The following TSPEAR variants were observed in gnomAD, a reference collection of about 807,000 sequenced individuals.
TSPEAR encodes the protein thrombospondin type laminin G domain and EAR repeats.
Under a neutral mutation model 71.6 loss-of-function variants are expected in TSPEAR, and 69 were observed. That is an observed-to-expected ratio of 0.96 (90% CI 0.79 to 1.18). TSPEAR has a LOEUF of 1.18. TSPEAR is among the 50% of genes most tolerant of loss of function. TSPEAR has a pLI of 0.00. For synonymous variants in TSPEAR, 402 were observed against 387.2 expected, an observed-to-expected ratio of 1.04 and a Z score of -0.45; for missense variants, 971 against 894.9, an observed-to-expected ratio of 1.09 and a Z score of -1.09.
In TSPEAR at chr21:44,533,642, A is replaced by T. The variant is rs1043116564; in HGVS notation, c.542+43T>A. Reference sequence around the variant, plus strand: ...GCTGAAGGATGCCTGGCCTGGCAGGACTCTGAGGACTGCAGGTGCACCCTC... The same window carrying T: ...GCTGAAGGATGCCTGGCCTGGCAGGTCTCTGAGGACTGCAGGTGCACCCTC... On this transcript the variant is annotated intron_variant, in intron 3 of 11. Transcript: ENST00000323084. 3.3e-6 allele frequency: 5 copies of T among 1,509,326 alleles called. No homozygotes were observed. The African/African-American group carries it at 5.5e-5, about 17-fold the overall frequency. The allele number at this position is 1,509,326 out of a possible 1,614,324, so 93.5% of individuals were successfully genotyped here.
At chr21:44,590,653 G>A (rs1411803193) in intron 1 of TSPEAR, among the ~76,000 whole-genome samples, 1 of 152,178 alleles carries the variant, frequency 6.6e-6, no homozygotes, top group African/African-American at 2.4e-5. Flanking sequence ...TCCATAGCTG[G>A]TCTCCCCAGG....
At chr21:44,542,604 C>T (rs1449888939) in intron 2 of TSPEAR, among the ~76,000 whole-genome samples, 1 of 151,644 alleles carries the variant, frequency 6.6e-6, no homozygotes, top group Non-Finnish European at 1.5e-5. Context: ...GAAAAGTTGG[C>T]CCACTTTGGT....
chr21:44,625,688 G>A (rs1245576615), intron 1 of TSPEAR, among the ~76,000 whole-genome samples: 2 of 152,210 alleles, frequency 1.3e-5, no homozygotes, highest in Non-Finnish European at 2.9e-5. Context: ...CCCTGTTTTG[G>A]GCTCTAATTT....
intron 1 of TSPEAR, among the ~76,000 whole-genome samples, chr21:44,662,262 T>C (rs587632550): frequency 1.0e-3 from 157 of 152,118 alleles, no homozygotes; most frequent in Non-Finnish European, 1.6e-4. Context: ...ACATTAAATA[T>C]AAAAAACATA....
chr21:44,502,671 G>A (rs1029128150), intron 11 of TSPEAR, among the ~76,000 whole-genome samples: 4 of 152,274 alleles, frequency 2.6e-5, no homozygotes, highest in Non-Finnish European at 5.9e-5. Flanking sequence ...TACACCCGGG[G>A]CAGGGCCCCA....
At chr21:44,544,240 T>C (rs2053265700) in intron 2 of TSPEAR, among the ~76,000 whole-genome samples, 1 of 152,176 alleles carries the variant, frequency 6.6e-6, no homozygotes, top group South Asian at 2.1e-4. Context: ...TATGGCAAAA[T>C]ACTAAACACT....
At chr21:44,550,833 C>G in intron 2 of TSPEAR, 1 of 1,535,228 alleles carries the variant, frequency 6.5e-7, no homozygotes, top group Non-Finnish European at 8.9e-7. Flanking sequence ...CTGCTGGCAG[C>G]ACGGAGAGGA....
rs587752111 is a variant in TSPEAR at position 44,571,991 on chromosome 21, C to T, written c.83-3986G>A. Among the ~76,000 whole-genome samples the T allele has an allele frequency of 2.6e-4, 39 of 152,254 alleles. No individual in the cohort carries two copies. The South Asian group carries it at 6.6e-3, about 26-fold the overall frequency. ...ACTGCCGGGCAAACGCCTGGGCAGA[C>T]GCAGGACAGCTGCCAAGTCTCAGAC... On this transcript the variant is annotated intron_variant, in intron 1 of 11. Coordinates refer to ENST00000323084, the MANE Select transcript of TSPEAR (RefSeq NM_144991.3).
intron 1 of TSPEAR, among the ~76,000 whole-genome samples, chr21:44,592,937 G>A (rs1451129177): frequency 2.0e-5 from 3 of 152,150 alleles, no homozygotes; most frequent in South Asian, 2.1e-4. Flanking sequence ...ACAACCTGGG[G>A]CCCATGAGCC....
chr21:44,611,312 G>A (rs181751132), intron 1 of TSPEAR, among the ~76,000 whole-genome samples: 9 of 152,110 alleles, frequency 5.9e-5, no homozygotes, highest in South Asian at 2.1e-4. Context: ...CATGGGGGCC[G>A]GTCTTTTCCT....
chr21:44,525,923 A>G, intron 7 of TSPEAR, 84 bp from the exon 8 acceptor site: 1 of 1,361,096 alleles, frequency 7.3e-7, no homozygotes, highest in Non-Finnish European at 1.0e-6. Context: ...GAACATCAGC[A>G]TCTCTCTCCA....
At chr21:44,627,457 C>G in intron 1 of TSPEAR, 1 of 1,608,658 alleles carries the variant, frequency 6.2e-7, no homozygotes, top group Non-Finnish European at 8.5e-7. Context: ...CTCCCCCTGC[C>G]AGCAGGCCTG....
intron 9 of TSPEAR, chr21:44,515,631 G>C (rs1486800056): frequency 6.6e-6 from 1 of 152,218 alleles, no homozygotes; most frequent in South Asian, 2.1e-4. Flanking sequence ...CAGGACCACT[G>C]CTCCAGTCCT....
intron 1 of TSPEAR, chr21:44,666,694 A>G (rs782812877): frequency 5.0e-6 from 8 of 1,614,034 alleles, no homozygotes; most frequent in Non-Finnish European, 5.9e-6. Flanking sequence ...ATGGGCACAC[A>G]CACAGAAGAC....
Position 44,521,869 on chromosome 21 carries a change from G to A in TSPEAR, c.1566+14C>T, listed in dbSNP as rs1555914305. On this transcript the variant is annotated intron_variant, in intron 9 of 11. Transcript: ENST00000323084. Reference sequence around the variant, plus strand: ...CCAGCAATGGAGAGCCGGGGCTCATGCGGGGGGCCTTACCGGGAAGGACTG... The same window carrying A: ...CCAGCAATGGAGAGCCGGGGCTCATACGGGGGGCCTTACCGGGAAGGACTG... 6 of 1,610,780 alleles carry A rather than the reference G, an allele frequency of 3.7e-6. No individual in the cohort carries two copies. The highest frequency in any genetic ancestry group is 2.2e-5 in the South Asian group (2 of 91,038).
chr21:44,567,909 T>C lies in TSPEAR; in HGVS notation c.179A>G (p.Gln60Arg). The change falls in exon 2 of 12, where the codon CAG becomes CGG. Residue 60 changes from glutamine to arginine, a missense_variant. By Grantham distance (43) the Gln-to-Arg change is conservative. Coordinates refer to ENST00000323084, the MANE Select transcript of TSPEAR (RefSeq NM_144991.3). ...IVQVHGARGL[Q>R]LSVAAPRTMS... ...GGTGCGGGGGGCGGCTACTGAGAGC[T>C]GGAGTCCCCGTGCACCGTGAACCTG... The C allele has an allele frequency of 6.2e-7, 1 of 1,607,616 alleles. No homozygotes were observed. The highest frequency in any genetic ancestry group is 8.5e-7 in the Non-Finnish European group (1 of 1,176,000).
chr21:44,572,139 C>T (rs782415597), intron 1 of TSPEAR, among the ~76,000 whole-genome samples: 6 of 152,208 alleles, frequency 3.9e-5, no homozygotes, highest in Non-Finnish European at 5.9e-5. Context: ...ACTCTGACCA[C>T]GAGGAAACCT....
chr21:44,598,132 C>T (rs1980491846), intron 1 of TSPEAR, among the ~76,000 whole-genome samples: 1 of 152,102 alleles, frequency 6.6e-6, no homozygotes, highest in South Asian at 2.1e-4. Flanking sequence ...CATGCCGCAA[C>T]ATCACTAGCA....
intron 2 of TSPEAR, among the ~76,000 whole-genome samples, chr21:44,541,458 A>G (rs985453156): frequency 2.6e-5 from 4 of 152,200 alleles, no homozygotes; most frequent in Non-Finnish European, 5.9e-5. Context: ...CTCTGTTCGA[A>G]GGGGCCGGGA....
Sources: allele counts gnomAD v4.1 joint callset (sites outside exome capture counted in the v4.1 genomes callset), GRCh38; gene constraint gnomAD v4.1.1; transcripts MANE v1.5; gene names NCBI Gene and HGNC (gene_info 2026-07-23, HGNC 2026-07-21).